PDE7B: variants seen among roughly 807,000 people sequenced by gnomAD.
PDE7B encodes 3',5'-cyclic-AMP phosphodiesterase 7B.
In PDE7B, 29 loss-of-function variants were observed where a neutral mutation model predicts 56.2. The ratio of observed to expected loss-of-function variants is 0.52; its 90% CI spans 0.38 to 0.70. The LOEUF is 0.70. Among genes scored for constraint, PDE7B ranks in the 30% least tolerant of loss-of-function variants. The probability of loss-of-function intolerance (pLI) is 0.00; values close to 1 mark genes in which losing one functional copy is unlikely to be tolerated. For missense variants in PDE7B, 490 were observed against 565.0 expected, an observed-to-expected ratio of 0.87 and a Z score of 1.35; for synonymous variants, 197 against 196.9, an observed-to-expected ratio of 1.00 and a Z score of 0.00.
chr6:136,195,522 T>C lies in PDE7B; in HGVS notation c.*3682T>C, dbSNP rs1038145441. The stretch of plus-strand genomic sequence containing the variant: ...GCTCAAAATGTGGCCTAAGTAGCCA[T>C]TGGCATGTCTAGATGAACAAATAAA... On this transcript the variant is annotated 3_prime_UTR_variant, in exon 13 of 13. Transcript: ENST00000308191. 1.4e-5 allele frequency: 2 copies of C among 146,386 alleles called. No homozygotes were observed. The highest frequency in any genetic ancestry group is 3.0e-5 in the Non-Finnish European group (2 of 67,296). 9.1% of individuals were successfully genotyped at this position (146,386 alleles called of 1,614,324 possible).
At chr6:135,925,214 G>A (rs1238094354) in intron 1 of PDE7B, among the ~76,000 whole-genome samples, 1 of 152,012 alleles carries the variant, frequency 6.6e-6, no homozygotes, top group Non-Finnish European at 1.5e-5. Context: ...ACTGCCAAGG[G>A]TTCAACTTGG....
chr6:136,052,560 A>G (rs370958327), intron 2 of PDE7B, among the ~76,000 whole-genome samples: 22 of 152,238 alleles, frequency 1.4e-4, no homozygotes, highest in Middle Eastern at 3.4e-3. Flanking sequence ...CCATGTGGGA[A>G]AAGTGCAAGT....
In PDE7B at chr6:136,176,119, C is replaced by T. The variant is rs371300007; in HGVS notation, c.803+2231C>T. Among the ~76,000 whole-genome samples the T allele has an allele frequency of 3.3e-5, 5 of 152,070 alleles. No homozygotes were observed. In the East Asian group the frequency reaches 5.8e-4, roughly 18 times the overall value. On this transcript the variant is annotated intron_variant, in intron 9 of 12. Coordinates refer to ENST00000308191, the MANE Select transcript of PDE7B (RefSeq NM_018945.4). ...GAGAACACATTTTTATATTTGGTCT[C>T]TTCCTATTTTCCTATCAGTGTTATT...
chr6:136,186,701 A>T (rs1226514286), intron 11 of PDE7B, among the ~76,000 whole-genome samples: 3 of 152,212 alleles, frequency 2.0e-5, no homozygotes, highest in African/African-American at 7.2e-5. Flanking sequence ...TTAACCTGTC[A>T]CTTAAAGCCA....
intron 11 of PDE7B, among the ~76,000 whole-genome samples, chr6:136,184,309 T>C (rs1779112864): frequency 6.6e-6 from 1 of 152,206 alleles, no homozygotes. Flanking sequence ...AATGATCTAA[T>C]TGGAAAACCT....
At chr6:136,112,384 CA>C (rs1374433258) in intron 3 of PDE7B, 2 of 152,140 alleles carry the variant, frequency 1.3e-5, no homozygotes, top group East Asian at 3.8e-4. Flanking sequence ...TTGCTATGCC[CA>C]TTTGTTTATA....
At chr6:136,168,411 C>G (rs1024479378) in intron 8 of PDE7B, among the ~76,000 whole-genome samples, 1 of 152,134 alleles carries the variant, frequency 6.6e-6, no homozygotes, top group African/African-American at 2.4e-5. Flanking sequence ...CAGAGGCCAG[C>G]AAGCTCCTTG....
chr6:135,995,350 A>C (rs1775546116), intron 2 of PDE7B, among the ~76,000 whole-genome samples: 2 of 152,180 alleles, frequency 1.3e-5, no homozygotes, highest in African/African-American at 4.8e-5. Flanking sequence ...TCTGAATCCC[A>C]CTATCTTGAA....
intron 2 of PDE7B, chr6:136,038,637 G>A: frequency 1.2e-6 from 1 of 815,280 alleles, no homozygotes; most frequent in Non-Finnish European, 1.7e-6. Flanking sequence ...GTAGCATCAG[G>A]TCTGAGGGCT....
rs1777697966 is a variant in PDE7B at position 136,108,797 on chromosome 6, A to G, written c.149A>G (p.Asp50Gly). ...AERRGSYPFI[D>G]FRLLNSTTYS... ...CGCCGTGGCTCCTACCCATTCATTG[A>G]CTTCCGCCTACTTAACAGTGAGTAA... The change falls in exon 3 of 13, where the codon GAC (aspartate) becomes GGC (glycine). Residue 50 changes from aspartate to glycine, a missense_variant. By Grantham distance (94) the Asp-to-Gly change is moderately conservative (BLOSUM62 -1). Transcript: ENST00000308191. The G allele has an allele frequency of 2.5e-6, 4 of 1,597,428 alleles. No individual in the cohort carries two copies. The highest frequency in any genetic ancestry group is 1.1e-5 in the South Asian group (1 of 90,736).
intron 2 of PDE7B, among the ~76,000 whole-genome samples, chr6:136,000,008 T>A (rs1775636756): frequency 6.6e-6 from 1 of 152,240 alleles, no homozygotes; most frequent in African/African-American, 2.4e-5. Flanking sequence ...ATTTCTGTAA[T>A]GATCAGTGAT....
chr6:136,103,821 C>A (rs77943344), intron 2 of PDE7B, among the ~76,000 whole-genome samples: 4,451 of 152,232 alleles, frequency 0.029, 74 homozygotes, highest in Non-Finnish European at 0.045. Flanking sequence ...TCCCTGACAC[C>A]TTTTCCTCAC....
In PDE7B at chr6:136,145,602, C is replaced by T. The variant is rs554059676; in HGVS notation, c.167-1749C>T. ...TCAAGTACTGTGAATAGTTCATGGCCAACTCTCAGTCTTCATGGTACCTGA... is the reference window on the plus strand; with the variant it reads ...TCAAGTACTGTGAATAGTTCATGGCTAACTCTCAGTCTTCATGGTACCTGA... On this transcript the variant is annotated intron_variant, in intron 3 of 12. Transcript: ENST00000308191. 7.9e-4 allele frequency among the ~76,000 whole-genome samples: 120 copies of T among 152,216 alleles called. 1 individual carries two copies. In the South Asian group the frequency reaches 0.013, roughly 16 times the overall value.
At chr6:135,953,582 ATAAGT>A (rs1774738305) in intron 2 of PDE7B, among the ~76,000 whole-genome samples, 1 of 152,156 alleles carries the variant, frequency 6.6e-6, no homozygotes, top group Admixed American at 6.6e-5. Flanking sequence ...TACTATAAAT[ATAAGT>A]TATTATTTTT....
At chr6:136,130,388 C>T (rs929984948) in intron 3 of PDE7B, among the ~76,000 whole-genome samples, 3 of 152,172 alleles carry the variant, frequency 2.0e-5, no homozygotes, top group Admixed American at 2.0e-4. Flanking sequence ...ACACCCCCTA[C>T]ATATATACCA....
At chr6:136,059,883 T>A (rs78990215) in intron 2 of PDE7B, among the ~76,000 whole-genome samples, 144 of 152,278 alleles carry the variant, frequency 9.5e-4, no homozygotes, top group African/African-American at 3.1e-3. Context: ...TTATAGGAAG[T>A]ATTTGCCATA....
chr6:136,069,223 C>T (rs1777005146), intron 2 of PDE7B, among the ~76,000 whole-genome samples: 2 of 152,162 alleles, frequency 1.3e-5, no homozygotes, highest in Admixed American at 1.3e-4. Context: ...TTTGAAATAA[C>T]TTTAAAATGT....
At chr6:135,997,704 C>CA (rs1446683930) in intron 2 of PDE7B, among the ~76,000 whole-genome samples, 4 of 151,838 alleles carry the variant, frequency 2.6e-5, no homozygotes, top group South Asian at 4.2e-4. Context: ...ACTATATTTG[C>CA]AAAAAGTTTT....
rs370670457 is a variant in PDE7B, at chr6:135,891,829, C to T, written c.21+39810C>T. The stretch of plus-strand genomic sequence containing the variant: ...TTTGAAAGGATTCTGTCATATTTAC[C>T]TTGTGTCCTCTGCTGTCTGTAGCAT... On this transcript the variant is annotated intron_variant, in intron 1 of 12. Coordinates refer to ENST00000308191, the MANE Select transcript of PDE7B (RefSeq NM_018945.4). Among the ~76,000 whole-genome samples, 205 of 152,194 alleles carry T rather than the reference C, an allele frequency of 1.3e-3. 4 individuals carry two copies. The South Asian group carries it at 0.04, about 29-fold the overall frequency.
Sources: allele counts gnomAD v4.1 joint callset (sites outside exome capture counted in the v4.1 genomes callset), GRCh38; gene constraint gnomAD v4.1.1; transcripts MANE v1.5; gene names NCBI Gene and HGNC (gene_info 2026-07-23, HGNC 2026-07-21).